Variants in MAGEC3 observed in about 807,000 individuals in gnomAD.
MAGEC3 encodes MAGE family member C3, also known as melanoma-associated antigen C3.
A neutral mutation model predicts 35.3 loss-of-function variants in MAGEC3; 34 were observed. The observed-to-expected ratio is 0.96, with a 90% CI of 0.73 to 1.28. The LOEUF is 1.28. MAGEC3 is among the 50% of genes most tolerant of loss of function. MAGEC3 has a pLI of 0.00. For synonymous variants in MAGEC3, 202 were observed against 185.6 expected, an observed-to-expected ratio of 1.09 and a Z score of -0.72; for missense variants, 561 against 483.6, an observed-to-expected ratio of 1.16 and a Z score of -1.50.
Position 141,897,333 on chromosome X carries a change from T to G in MAGEC3, c.1575T>G (p.Phe525Leu), listed in dbSNP as rs1220518541. 1.7e-6 allele frequency: 2 copies of G among 1,211,925 alleles called. No individual in the cohort carries two copies. The highest frequency in any genetic ancestry group is 2.2e-6 in the Non-Finnish European group (2 of 895,551). ...DMDPDNHSYF[F>L]EDTLDLTYEG... ...ACCCCGACAACCACTCCTATTTCTT[T>G]GAAGACACATTAGACCTCACCTATG... Residue 525 changes from phenylalanine to leucine, a missense_variant, in exon 7 of 8, where the codon TTT (phenylalanine) becomes TTG (leucine). Transcript: ENST00000298296.
At chrX:141,845,278 A>G (rs1057249735) in intron 1 of MAGEC3, among the ~76,000 whole-genome samples, 5 of 111,212 alleles carry the variant, frequency 4.5e-5, no homozygotes, top group African/African-American at 1.6e-4. Context: ...GCATACAGAT[A>G]TTGATTGCGT....
chrX:141,882,086 T>C (rs1569474840), intron 4 of MAGEC3, among the ~76,000 whole-genome samples: 1 of 111,919 alleles, frequency 8.9e-6, no homozygotes. Flanking sequence ...AAAATGATGC[T>C]ACTGCCATGG....
At chrX:141,886,705 G>A (rs943290555) in intron 4 of MAGEC3, among the ~76,000 whole-genome samples, 19 of 110,964 alleles carry the variant, frequency 1.7e-4, no homozygotes, top group African/African-American at 5.6e-4. Flanking sequence ...AATTGGCATA[G>A]ACATACTTAG....
chrX:141,844,772 C>T (rs766547478), intron 1 of MAGEC3, among the ~76,000 whole-genome samples: 147 of 110,684 alleles, frequency 1.3e-3, no homozygotes, highest in Non-Finnish European at 1.8e-3. Flanking sequence ...TTTGCATTAA[C>T]GAGAAATTTT....
chrX:141,879,113 A>G, intron 2 of MAGEC3, 62 bp from the exon 3 acceptor site: 1 of 1,116,175 alleles, frequency 9.0e-7, no homozygotes. Context: ...CCTCTCGGGA[A>G]GGCAGGAAGG....
chrX:141,871,930 C>T (rs1006095637), intron 2 of MAGEC3, among the ~76,000 whole-genome samples: 1 of 107,740 alleles, frequency 9.3e-6, no homozygotes, highest in Non-Finnish European at 1.9e-5. Flanking sequence ...AGGGTTCACA[C>T]GGGCAATGAG....
intron 3 of MAGEC3, 25 bp downstream of exon 3, chrX:141,879,456 G>T (rs2017945052): frequency 5.2e-6 from 6 of 1,150,544 alleles, no homozygotes; most frequent in South Asian, 4.0e-5. Context: ...ATGGACGAGG[G>T]CTTTGAAGTG....
chrX:141,852,100 C>CTT (rs58227745), intron 1 of MAGEC3, among the ~76,000 whole-genome samples: 2 of 80,506 alleles, frequency 2.5e-5, no homozygotes, highest in Non-Finnish European at 2.5e-5. Context: ...TTGTTTAGGT[C>CTT]TTTTTTTTTT....
chrX:141,870,502 G>T (rs1369721045), intron 2 of MAGEC3, among the ~76,000 whole-genome samples: 1 of 110,622 alleles, frequency 9.0e-6, no homozygotes, highest in African/African-American at 3.3e-5. Context: ...GGTTTTTTTT[G>T]CAAGATTAAT....
At chrX:141,858,943 G>T (rs141882597) in intron 1 of MAGEC3, among the ~76,000 whole-genome samples, 1 of 110,451 alleles carries the variant, frequency 9.1e-6, no homozygotes, top group East Asian at 2.9e-4. Context: ...GATTAGCCTA[G>T]CTTGTGGAAA....
At position 141,897,789 on chromosome X, in the gene MAGEC3, G is replaced by A. The variant is rs746028817; in HGVS notation, c.1889G>A (p.Ser630Asn). 1 of 1,204,932 alleles carries A rather than the reference G, an allele frequency of 8.3e-7. No individual in the cohort carries two copies. Among genetic ancestry groups the A allele is most frequent in the Admixed American group, 2.2e-5 (1 of 45,176 alleles). Residue 630 changes from serine (S) to asparagine (N), a missense_variant, in exon 8 of 8, where the codon AGT (serine) becomes AAT (asparagine). By Grantham distance (46) the Ser-to-Asn change is conservative. Transcript: ENST00000298296. ...DTTDDATAMA[S>N]ASPSVMSTNF... ...ACAGATGATGCTACTGCCATGGCCAGTGCAAGCCCCAGTGTCATGTCCACC... is the reference window on the plus strand; with the variant it reads ...ACAGATGATGCTACTGCCATGGCCAATGCAAGCCCCAGTGTCATGTCCACC...
At chrX:141,868,207 A>C (rs184078431) in intron 2 of MAGEC3, among the ~76,000 whole-genome samples, 1,305 of 111,530 alleles carry the variant, frequency 0.012, 18 homozygotes, top group African/African-American at 0.04. Flanking sequence ...TTTTTACTCC[A>C]TTACTTATTT....
intron 1 of MAGEC3, among the ~76,000 whole-genome samples, chrX:141,843,810 A>C (rs1236878876): frequency 2.7e-5 from 3 of 110,705 alleles, no homozygotes; most frequent in Non-Finnish European, 5.7e-5. Context: ...TATTCAAAAG[A>C]GTATATATAA....
chrX:141,853,078 CTT>C (rs1194054346), intron 1 of MAGEC3, among the ~76,000 whole-genome samples: 2 of 111,182 alleles, frequency 1.8e-5, no homozygotes, highest in East Asian at 2.8e-4. Flanking sequence ...AAATAAATCT[CTT>C]TATTTATTAC....
rs573995391 is a variant in MAGEC3, at chrX:141,839,582, A to G, written c.123+1144A>G. Reference sequence around the variant, plus strand: ...CAGCTCCTACCACTTCCAGGCCCACAGCTGCAATCCCAAGCTTGCTCACCA... The same window carrying G: ...CAGCTCCTACCACTTCCAGGCCCACGGCTGCAATCCCAAGCTTGCTCACCA... On this transcript the variant is annotated intron_variant, in intron 1 of 7. Coordinates refer to ENST00000298296, the MANE Select transcript of MAGEC3 (RefSeq NM_138702.1). 75 of 752,641 alleles carry G rather than the reference A, an allele frequency of 1.0e-4. 2 individuals carry two copies. In the South Asian group the frequency reaches 4.0e-3, roughly 40 times the overall value. The allele number at this position is 752,641 out of a possible 1,213,427, so 62.0% of individuals were successfully genotyped here. A position where few individuals can be genotyped will look rare whatever the true frequency, so the allele number is the denominator to read the frequency against.
intron 1 of MAGEC3, among the ~76,000 whole-genome samples, chrX:141,848,975 T>A (rs1417355393): frequency 1.8e-5 from 2 of 111,186 alleles, no homozygotes; most frequent in Non-Finnish European, 3.8e-5. Flanking sequence ...TAAATACATT[T>A]ATAGAAAGAA....
chrX:141,891,115 C>T (rs995741175), intron 4 of MAGEC3, among the ~76,000 whole-genome samples: 3 of 111,663 alleles, frequency 2.7e-5, no homozygotes, highest in Admixed American at 9.5e-5. Context: ...GCCACCTTCT[C>T]GCTGAATTTT....
At chrX:141,839,509 T>G (rs936241019) in intron 1 of MAGEC3, 6 of 752,545 alleles carry the variant, frequency 8.0e-6, no homozygotes, top group Non-Finnish European at 9.4e-6. Flanking sequence ...ATCTTTGCTA[T>G]TGTCTTGGCT....
intron 1 of MAGEC3, among the ~76,000 whole-genome samples, chrX:141,852,493 G>T (rs949391736): frequency 8.1e-5 from 9 of 110,592 alleles, no homozygotes; most frequent in East Asian, 2.9e-4. Flanking sequence ...GAATAGAAAT[G>T]GTCGTTGTCT....
Sources: allele counts gnomAD v4.1 joint callset (sites outside exome capture counted in the v4.1 genomes callset), GRCh38; gene constraint gnomAD v4.1.1; transcripts MANE v1.5; gene names NCBI Gene and HGNC (gene_info 2026-07-23, HGNC 2026-07-21).